The following CDH18 variants were observed in gnomAD, a reference collection of about 807,000 sequenced individuals.
CDH18 encodes the protein cadherin-18.
CDH18 carries 31 observed loss-of-function variants against 67.9 expected under a neutral mutation model. That is an observed-to-expected ratio of 0.46 (90% CI 0.34 to 0.62). CDH18 has a LOEUF of 0.62. Ranked by LOEUF, CDH18 falls within the 20% of genes least tolerant of loss-of-function variation. CDH18 has a pLI of 0.01. For synonymous variants in CDH18, 362 were observed against 347.2 expected (o/e 1.04, Z -0.48); for missense variants, 890 against 975.5 (o/e 0.91, Z 1.17).
intron 3 of CDH18, among the ~76,000 whole-genome samples, chr5:19,755,460 C>CATAT (rs1158677779): frequency 9.1e-5 from 2 of 21,890 alleles, no homozygotes; most frequent in Non-Finnish European, 1.6e-4. Flanking sequence ...TATATATATA[C>CATAT]ACACACACAC....
chr5:20,017,447 T>A (rs1911857), intron 2 of CDH18, among the ~76,000 whole-genome samples: 1 of 152,104 alleles, frequency 6.6e-6, no homozygotes, highest in African/African-American at 2.4e-5. Flanking sequence ...TCTAACAGAC[T>A]GCTTACAAAA....
chr5:20,058,591 A>C (rs1216838903), intron 2 of CDH18, among the ~76,000 whole-genome samples: 1 of 152,142 alleles, frequency 6.6e-6, no homozygotes, highest in African/African-American at 2.4e-5. Flanking sequence ...ACAGTACTAT[A>C]CTCAAGTTTC....
At chr5:19,721,794 T>C (rs1206300434) in intron 4 of CDH18, among the ~76,000 whole-genome samples, 7 of 152,180 alleles carry the variant, frequency 4.6e-5, no homozygotes, top group Non-Finnish European at 8.8e-5. Context: ...TGCACTCATA[T>C]ATCAAATTGC....
At chr5:19,811,354 C>T (rs1479485872) in intron 3 of CDH18, among the ~76,000 whole-genome samples, 2 of 151,932 alleles carry the variant, frequency 1.3e-5, no homozygotes, top group Non-Finnish European at 2.9e-5. Flanking sequence ...GTCATTAATC[C>T]AACATCAGTG....
At chr5:20,506,827 T>C (rs557136498) in intron 1 of CDH18, among the ~76,000 whole-genome samples, 2 of 152,340 alleles carry the variant, frequency 1.3e-5, no homozygotes, top group African/African-American at 4.8e-5. Context: ...TGTTTTCCTT[T>C]ATTCCTTTAT....
chr5:20,491,929 T>C (rs1753609385), intron 1 of CDH18, among the ~76,000 whole-genome samples: 1 of 152,152 alleles, frequency 6.6e-6, no homozygotes, highest in Non-Finnish European at 1.5e-5. Context: ...TTTCATAATG[T>C]TTACTATTCT....
chr5:19,627,459 T>A (rs1751716442), intron 5 of CDH18, among the ~76,000 whole-genome samples: 1 of 152,212 alleles, frequency 6.6e-6, no homozygotes, highest in Non-Finnish European at 1.5e-5. Flanking sequence ...AAGCATTTAT[T>A]TGCAATAAAA....
chr5:20,172,078 G>A (rs1030965676), intron 2 of CDH18, among the ~76,000 whole-genome samples: 5 of 148,122 alleles, frequency 3.4e-5, no homozygotes, highest in Admixed American at 6.8e-5. Flanking sequence ...GAACTGAAAC[G>A]TTTAGTAACA....
At chr5:19,588,283 C>T (rs918837946) in intron 7 of CDH18, among the ~76,000 whole-genome samples, 2 of 151,582 alleles carry the variant, frequency 1.3e-5, no homozygotes, top group African/African-American at 2.4e-5. Context: ...TTTTTTTTCT[C>T]TTGCCTGATT....
Position 19,930,592 on chromosome 5 carries a change from G to A in CDH18, c.-257+50468C>T, listed in dbSNP as rs575004083. On this transcript the variant is annotated intron_variant, in intron 2 of 12. Transcript: ENST00000382275. Reference sequence around the variant, plus strand: ...ATGTGGTTACCATGGGAGAGGCTCCGCAAAGCTCCGGGGGACACTTGTACG... The same window carrying A: ...ATGTGGTTACCATGGGAGAGGCTCCACAAAGCTCCGGGGGACACTTGTACG... Among the ~76,000 whole-genome samples the A allele has an allele frequency of 5.3e-5, 8 of 152,028 alleles. No individual in the cohort carries two copies. In the South Asian group the frequency reaches 1.0e-3, roughly 20 times the overall value.
rs961863153 is a variant in CDH18, at chr5:20,131,806, T to A, written c.-518+123638A>T. On this transcript the variant is annotated intron_variant, in intron 2 of 14. Transcript: ENST00000507958. ...TCAAAAATCTATTGTTTTTCAAAAC[T>A]TGGGTCTATTACTTTACACTTTATT... Among the ~76,000 whole-genome samples, 4 of 152,226 alleles carry A rather than the reference T, an allele frequency of 2.6e-5. No homozygotes were observed. In the South Asian group the frequency reaches 8.3e-4, roughly 32 times the overall value.
At chr5:20,525,662 C>G (rs911237511) in intron 1 of CDH18, among the ~76,000 whole-genome samples, 2 of 152,086 alleles carry the variant, frequency 1.3e-5, no homozygotes, top group Non-Finnish European at 2.9e-5. Flanking sequence ...GTCATTTTGA[C>G]AAAATTATCA....
intron 12 of CDH18, among the ~76,000 whole-genome samples, chr5:19,482,528 C>T (rs919557489): frequency 7.9e-5 from 12 of 152,094 alleles, no homozygotes; most frequent in Non-Finnish European, 1.3e-4. Context: ...TAATGATTAA[C>T]TAATTATTGT....
In CDH18 at chr5:20,172,198, A is replaced by G. The variant is rs1441064155; in HGVS notation, c.-518+83246T>C. Among the ~76,000 whole-genome samples the G allele has an allele frequency of 1.1e-3, 52 of 46,468 alleles. 1 individual carries two copies. The highest frequency in any genetic ancestry group is 0.012 in the Middle Eastern group (1 of 86). 30.5% of individuals were successfully genotyped at this position (46,468 alleles called of 152,430 possible). On this transcript the variant is annotated intron_variant, in intron 2 of 14. Transcript: ENST00000507958. ...TATCAATAGCATTGTGTGTATATATATATATATATATATATATATATATAT... is the reference window on the plus strand; with the variant it reads ...TATCAATAGCATTGTGTGTATATATGTATATATATATATATATATATATAT...
At chr5:19,620,950 C>T (rs144332625) in intron 5 of CDH18, among the ~76,000 whole-genome samples, 52 of 152,130 alleles carry the variant, frequency 3.4e-4, no homozygotes, top group Admixed American at 7.2e-4. Flanking sequence ...CCTTGACTTA[C>T]GATGGAGTTG....
intron 1 of CDH18, among the ~76,000 whole-genome samples, chr5:20,324,202 A>G (rs1237743197): frequency 6.6e-6 from 1 of 152,208 alleles, no homozygotes; most frequent in Non-Finnish European, 1.5e-5. Flanking sequence ...GTATTTTTAG[A>G]ATACAGACTC....
At chr5:19,531,523 G>T (rs1748612111) in intron 9 of CDH18, among the ~76,000 whole-genome samples, 1 of 151,986 alleles carries the variant, frequency 6.6e-6, no homozygotes, top group Non-Finnish European at 1.5e-5. Context: ...AAGCAATTTG[G>T]CATGTTTCCA....
chr5:20,352,806 T>TA (rs201234186), intron 1 of CDH18, among the ~76,000 whole-genome samples: 25 of 148,074 alleles, frequency 1.7e-4, no homozygotes, highest in East Asian at 4.0e-4. Flanking sequence ...AAAATAAAAA[T>TA]AAAAAAAAAA....
At chr5:19,885,150 G>A (rs1561504984) in intron 2 of CDH18, among the ~76,000 whole-genome samples, 1 of 152,114 alleles carries the variant, frequency 6.6e-6, no homozygotes, top group Non-Finnish European at 1.5e-5. Context: ...AATGAACTCT[G>A]GTGCCAACAT....
Sources: gnomAD v4.1 joint callset for allele counts (sites outside exome capture counted in the v4.1 genomes callset) on GRCh38, gnomAD v4.1.1 for gene constraint, MANE v1.5 for transcripts, NCBI Gene and HGNC (gene_info 2026-07-23, HGNC 2026-07-21) for gene names.